The following MAP7D3 variants were observed in gnomAD, a reference collection of about 807,000 sequenced individuals.
MAP7D3 encodes MAP7 domain containing 3.
MAP7D3 carries 45 observed loss-of-function variants against 62.2 expected under a neutral mutation model. The ratio of observed to expected loss-of-function variants is 0.72; its 90% CI spans 0.57 to 0.93. The LOEUF is 0.93. Ranked by LOEUF, MAP7D3 falls within the 40% of genes least tolerant of loss-of-function variation. The pLI is 0.00. For synonymous variants in MAP7D3, 288 were observed against 248.8 expected, an observed-to-expected ratio of 1.16 and a Z score of -1.48; for missense variants, 711 against 683.1, an observed-to-expected ratio of 1.04 and a Z score of -0.45.
downstream of MAP7D3, chrX:136,213,402 C>G (rs1483648462): frequency 1.8e-5 from 2 of 110,413 alleles, no homozygotes; most frequent in Non-Finnish European, 3.8e-5. Context: ...AGGGTGGGCT[C>G]TGGCACCAGG....
intron 1 of MAP7D3, among the ~76,000 whole-genome samples, chrX:136,248,304 C>T (rs890791247): frequency 8.9e-6 from 1 of 112,280 alleles, no homozygotes; most frequent in East Asian, 2.8e-4. Flanking sequence ...GTAGTAGTAT[C>T]AAATCTGATT....
At chrX:136,240,758 C>A (rs2074381162) in intron 5 of MAP7D3, among the ~76,000 whole-genome samples, 1 of 111,514 alleles carries the variant, frequency 9.0e-6, no homozygotes, top group Non-Finnish European at 1.9e-5. Flanking sequence ...CGGCAACTGG[C>A]CAATCCTTCT....
chrX:136,223,889 TA>T (rs1171660313), intron 14 of MAP7D3, among the ~76,000 whole-genome samples: 1 of 105,958 alleles, frequency 9.4e-6, no homozygotes, highest in African/African-American at 3.5e-5. Flanking sequence ...AATAAATAAA[TA>T]AAAAATAAAA....
At chrX:136,234,512 A>C (rs1569532005) in intron 7 of MAP7D3, among the ~76,000 whole-genome samples, 1 of 112,415 alleles carries the variant, frequency 8.9e-6, no homozygotes, top group Non-Finnish European at 1.9e-5. Context: ...AAAGTTAGCT[A>C]TCTCATCCTA....
Position 136,232,897 on chromosome X carries a change from T to C in MAP7D3, c.737-677A>G, listed in dbSNP as rs763899696. On this transcript the variant is annotated intron_variant, in intron 7 of 18. Transcript: ENST00000316077. ...CACAACTGGTGGGAGTATAGATTTGTATATTTTCCCTGGGGAGCATAAAAA... is the reference window on the plus strand; with the variant it reads ...CACAACTGGTGGGAGTATAGATTTGCATATTTTCCCTGGGGAGCATAAAAA... 1.3e-4 allele frequency among the ~76,000 whole-genome samples: 15 copies of C among 112,166 alleles called. No homozygotes were observed. In the South Asian group the frequency reaches 5.5e-3, roughly 41 times the overall value.
chrX:136,230,045 G>A (rs1401707369), intron 10 of MAP7D3, among the ~76,000 whole-genome samples: 1 of 91,007 alleles, frequency 1.1e-5, no homozygotes, highest in Non-Finnish European at 2.1e-5. Context: ...TGCCTGGGCT[G>A]GTCTCAAACT....
chrX:136,227,924 T>C (rs1400846241), intron 11 of MAP7D3, among the ~76,000 whole-genome samples: 1 of 111,978 alleles, frequency 8.9e-6, no homozygotes, highest in Non-Finnish European at 1.9e-5. Context: ...TATTCCCTTC[T>C]TTTTCCCAAG....
upstream of MAP7D3, chrX:136,251,468 C>CG: frequency 4.9e-5 from 6 of 123,523 alleles, no homozygotes; most frequent in Non-Finnish European, 5.7e-5. Flanking sequence ...CGGGGCGGGG[C>CG]GGGGCGGGGC....
At position 136,231,621 on chromosome X, in the gene MAP7D3, C is replaced by A; in HGVS notation, c.1336G>T (p.Val446Leu). 1 of 1,210,446 alleles carries A rather than the reference C, an allele frequency of 8.3e-7. No homozygotes were observed. The highest frequency in any genetic ancestry group is 1.8e-5 in the South Asian group (1 of 56,883). ...ESMEASPEAM[V>L]KASPKTSLEA... ...AGGGATGTCTTGGGGGATGCTTTCA[C>A]CATCGCCTCAGGAGATGCCTCCATG... is the stretch of plus-strand genomic sequence containing the variant. Residue 446 changes from valine to leucine, a missense_variant, in exon 8 of 19, where the codon GTG (valine) becomes TTG (leucine). Transcript: ENST00000316077.
chrX:136,254,161 T>A (rs991194563), upstream of MAP7D3, among the ~76,000 whole-genome samples: 2 of 106,619 alleles, frequency 1.9e-5, no homozygotes, highest in Non-Finnish European at 3.9e-5. Flanking sequence ...CCTGGCTCAC[T>A]GCAACCTCCG....
At chrX:136,216,443 GAAA>G (rs1166756693), downstream of MAP7D3, among the ~76,000 whole-genome samples, 1 of 91,023 alleles carries the variant, frequency 1.1e-5, no homozygotes, top group Non-Finnish European at 2.2e-5. Flanking sequence ...AAGACGAAGA[GAAA>G]AAAAAAAAAG....
chrX:136,231,934 C>T lies in MAP7D3; in HGVS notation c.1023G>A (p.Val341=), dbSNP rs754873307. Residue 341 remains valine (V), a synonymous_variant, in exon 8 of 19, where the codon GTG becomes GTA. Transcript: ENST00000316077. ...PEVSTDSFPV[V]SVDVSPVVST... ...TCACCACAGGCGACACGTCCACGCT[C>T]ACCACAGGGAATGAGTCCGTGCTCA... The T allele has an allele frequency of 8.3e-7, 1 of 1,211,743 alleles. No homozygotes were observed. Among genetic ancestry groups the T allele is most frequent in the South Asian group, 1.8e-5 (1 of 56,994 alleles).
At chrX:136,238,600 A>C (rs977601512) in intron 6 of MAP7D3, among the ~76,000 whole-genome samples, 6 of 111,705 alleles carry the variant, frequency 5.4e-5, no homozygotes, top group African/African-American at 1.6e-4. Context: ...GACTATATAT[A>C]AAAGTGCTTT....
chrX:136,220,681 A>G, intron 16 of MAP7D3, 84 bp downstream of exon 16: 3 of 802,924 alleles, frequency 3.7e-6, no homozygotes, highest in Non-Finnish European at 5.6e-6. Flanking sequence ...CTAAGAGCAC[A>G]AGAGATCATA....
rs62640387 is a variant in MAP7D3 at position 136,244,702 on chromosome X, C to A, written c.347G>T (p.Arg116Leu). The change falls in exon 4 of 19, where the codon CGA becomes CTA. Residue 116 changes from arginine to leucine, a missense_variant. Arg to Leu is a moderately radical substitution (Grantham distance 102). Transcript: ENST00000316077. ...MEERQRKLKE[R>L]KEKEEQRRIA... ...TCTCCGTTGTTCTTCTTTCTCTTTTCGCTCCTTCAGCTTTCTCTGTCTTTC... is the reference window on the plus strand; with the variant it reads ...TCTCCGTTGTTCTTCTTTCTCTTTTAGCTCCTTCAGCTTTCTCTGTCTTTC... 10 of 1,205,911 alleles carry A rather than the reference C, an allele frequency of 8.3e-6. No homozygotes were observed. Among genetic ancestry groups the A allele is most frequent in the Non-Finnish European group, 1.0e-5 (9 of 891,838 alleles).
At position 136,241,272 on chromosome X, in the gene MAP7D3, T is replaced by A; in HGVS notation, c.423A>T (p.Lys141Asn). 1.9e-6 allele frequency: 2 copies of A among 1,058,485 alleles called. No homozygotes were observed. The highest frequency in any genetic ancestry group is 2.6e-6 in the Non-Finnish European group (2 of 776,146). The allele number at this position is 1,058,485 out of a possible 1,213,427, so 87.2% of individuals were successfully genotyped here. Residue 141 changes from lysine (K) to asparagine (N), a missense_variant, in exon 5 of 19, where the codon AAA becomes AAT. Physicochemically the swap from Lys to Asn is moderately conservative, Grantham distance 94. Coordinates refer to ENST00000316077, the MANE Select transcript of MAP7D3 (RefSeq NM_024597.4). Reference sequence around the variant, plus strand: ...AAGTACGATAAAGAATGGCTGTAAATTTTTCCTATTTAAAATAAAAGCCAA... The same window carrying A: ...AAGTACGATAAAGAATGGCTGTAAAATTTTCCTATTTAAAATAAAAGCCAA... ...RHQKDEAQKE[K>N]FTAILYRTLE...
chrX:136,230,995 T>C, intron 8 of MAP7D3, 29 bp from the exon 9 acceptor site: 1 of 1,104,134 alleles, frequency 9.1e-7, no homozygotes, highest in Non-Finnish European at 1.2e-6. Context: ...TATGGTAAAT[T>C]ACTAACAAAC....
At chrX:136,236,655 A>T (rs1295123084) in intron 6 of MAP7D3, among the ~76,000 whole-genome samples, 1 of 112,198 alleles carries the variant, frequency 8.9e-6, no homozygotes, top group Non-Finnish European at 1.9e-5. Context: ...CACTTTAGTT[A>T]TAACTAGTAT....
At chrX:136,213,315 T>A (rs1323291646), downstream of MAP7D3, 1 of 111,154 alleles carries the variant, frequency 9.0e-6, no homozygotes, top group Non-Finnish European at 1.9e-5. Context: ...CCCTTAACAA[T>A]TTGTCAGCAG....
Sources: allele counts gnomAD v4.1 joint callset (sites outside exome capture counted in the v4.1 genomes callset), GRCh38; gene constraint gnomAD v4.1.1; transcripts MANE v1.5; gene names NCBI Gene and HGNC (gene_info 2026-07-23, HGNC 2026-07-21).